The following MEI4 variants were observed in gnomAD, a reference collection of about 807,000 sequenced individuals.
MEI4 encodes the protein meiosis-specific protein MEI4.
In MEI4, 27 loss-of-function variants were observed where a neutral mutation model predicts 31.4. The observed-to-expected ratio is 0.86, with a 90% CI of 0.63 to 1.19. MEI4 has a LOEUF of 1.19. Among genes scored for constraint, MEI4 ranks in the 50% most tolerant of loss-of-function variants. The pLI is 0.00. For synonymous variants in MEI4, 122 were observed against 145.4 expected (o/e 0.84, Z 1.16); for missense variants, 329 against 398.9 (o/e 0.82, Z 1.49).
chr6:77,668,964 G>A (rs910735492), intron 1 of MEI4, among the ~76,000 whole-genome samples: 20 of 152,038 alleles, frequency 1.3e-4, no homozygotes, highest in Non-Finnish European at 2.9e-4. Flanking sequence ...ACTTTTTCCA[G>A]AGTGACAAAA....
chr6:77,708,008 G>T (rs1357058176), intron 2 of MEI4, among the ~76,000 whole-genome samples: 1 of 152,222 alleles, frequency 6.6e-6, no homozygotes, highest in African/African-American at 2.4e-5. Context: ...TACTAGGGCA[G>T]CATTGAAGGG....
At chr6:77,704,998 A>G (rs1766300738) in intron 2 of MEI4, among the ~76,000 whole-genome samples, 2 of 152,200 alleles carry the variant, frequency 1.3e-5, no homozygotes, top group South Asian at 2.1e-4. Context: ...GCAACAAAAT[A>G]GTAGTGCTAC....
intron 2 of MEI4, among the ~76,000 whole-genome samples, chr6:77,715,789 C>A (rs1268136917): frequency 2.0e-5 from 3 of 152,166 alleles, no homozygotes; most frequent in Non-Finnish European, 4.4e-5. Context: ...AGTTCATATA[C>A]TTAACGTCAC....
chr6:77,794,303 C>T (rs1769019030), intron 3 of MEI4, among the ~76,000 whole-genome samples: 1 of 152,184 alleles, frequency 6.6e-6, no homozygotes, highest in Admixed American at 6.5e-5. Context: ...GTGGCTGAAG[C>T]CTGTAATCCC....
chr6:77,754,788 G>C (rs1272452161), intron 2 of MEI4, among the ~76,000 whole-genome samples: 1 of 152,128 alleles, frequency 6.6e-6, no homozygotes, highest in African/African-American at 2.4e-5. Context: ...TACATGCGGA[G>C]AGAGAGAGTG....
chr6:77,799,045 C>G (rs1166432093), intron 3 of MEI4, among the ~76,000 whole-genome samples: 3 of 152,128 alleles, frequency 2.0e-5, no homozygotes, highest in Admixed American at 2.0e-4. Context: ...ATTTCCAGTT[C>G]TAGATCCCTG....
intron 1 of MEI4, among the ~76,000 whole-genome samples, chr6:77,657,909 C>T (rs1301204472): frequency 6.6e-6 from 1 of 152,234 alleles, no homozygotes; most frequent in South Asian, 2.1e-4. Flanking sequence ...TTCACACTAA[C>T]CCACACTAGT....
chr6:77,779,686 T>C lies in MEI4; in HGVS notation c.768+18021T>C, dbSNP rs141486034. Among the ~76,000 whole-genome samples the C allele has an allele frequency of 1.4e-3, 213 of 152,264 alleles. 1 individual carries two copies. Among genetic ancestry groups the C allele is most frequent in the African/African-American group, 4.5e-3 (187 of 41,552 alleles). ...TTTTTGTTGTTAATAATTTGCCCCTTTCCCTGGTTTTCATCTCCCAGTTAT... is the reference window on the plus strand; with the variant it reads ...TTTTTGTTGTTAATAATTTGCCCCTCTCCCTGGTTTTCATCTCCCAGTTAT... On this transcript the variant is annotated intron_variant, in intron 3 of 4. Coordinates refer to ENST00000684080, the MANE Select transcript of MEI4 (RefSeq NM_001322247.2).
intron 2 of MEI4, among the ~76,000 whole-genome samples, chr6:77,741,188 T>A (rs1561968234): frequency 6.6e-6 from 1 of 152,114 alleles, no homozygotes; most frequent in African/African-American, 2.4e-5. Context: ...GTCAGGAATT[T>A]AAAGTTGCTT....
intron 4 of MEI4, among the ~76,000 whole-genome samples, chr6:77,908,066 A>G (rs548416369): frequency 2.6e-5 from 4 of 151,010 alleles, no homozygotes; most frequent in Admixed American, 2.6e-4. Context: ...TCAGATGAGT[A>G]GATTGCAAAA....
At chr6:77,816,414 T>G (rs556017651) in intron 3 of MEI4, among the ~76,000 whole-genome samples, 20 of 152,264 alleles carry the variant, frequency 1.3e-4, no homozygotes, top group Middle Eastern at 3.4e-3. Context: ...TATAAATTAG[T>G]AGGAGGACTG....
At position 77,765,374 on chromosome 6, in the gene MEI4, C is replaced by T. The variant is rs1416529192; in HGVS notation, c.768+3709C>T. On this transcript the variant is annotated intron_variant, in intron 3 of 4. Transcript: ENST00000684080. ...AAGTGACAACTTATATTTCATATACCCTCATAAACTTAAATACCATCAGCT... is the reference window on the plus strand; with the variant it reads ...AAGTGACAACTTATATTTCATATACTCTCATAAACTTAAATACCATCAGCT... Among the ~76,000 whole-genome samples the T allele has an allele frequency of 1.3e-5, 2 of 151,018 alleles. 1 individual carries two copies. Among genetic ancestry groups the T allele is most frequent in the Admixed American group, 1.3e-4 (2 of 15,168 alleles).
At position 77,747,867 on chromosome 6, in the gene MEI4, A is replaced by T. The variant is rs147662857; in HGVS notation, c.233-13263A>T. 1.4e-3 allele frequency among the ~76,000 whole-genome samples: 212 copies of T among 152,342 alleles called. 1 individual carries two copies. Among genetic ancestry groups the T allele is most frequent in the African/African-American group, 4.5e-3 (186 of 41,590 alleles). The stretch of plus-strand genomic sequence containing the variant: ...AAAGCTGCTTAGTTACTTCCAAGAT[A>T]CAATGGGGGTACTGGTGTTGGGTAA... On this transcript the variant is annotated intron_variant, in intron 2 of 4. Coordinates refer to ENST00000684080, the MANE Select transcript of MEI4 (RefSeq NM_001322247.2).
At chr6:77,793,566 ATATAAT>A (rs1306390507) in intron 3 of MEI4, among the ~76,000 whole-genome samples, 1 of 150,424 alleles carries the variant, frequency 6.6e-6, no homozygotes, top group Non-Finnish European at 1.5e-5. Flanking sequence ...AAATTGTCAA[ATATAAT>A]TATAGCTGTA....
chr6:77,811,715 C>T (rs1300727159), intron 3 of MEI4, among the ~76,000 whole-genome samples: 5 of 149,808 alleles, frequency 3.3e-5, no homozygotes, highest in Non-Finnish European at 7.4e-5. Flanking sequence ...GTGGAGGTTG[C>T]AGTGAGCCAA....
At chr6:77,891,781 G>T (rs1447030802) in intron 4 of MEI4, among the ~76,000 whole-genome samples, 1 of 152,166 alleles carries the variant, frequency 6.6e-6, no homozygotes, top group African/African-American at 2.4e-5. Context: ...CATAGGGAAA[G>T]ACTTTTTTAT....
intron 1 of MEI4, among the ~76,000 whole-genome samples, chr6:77,657,590 C>T (rs2127641066): frequency 6.8e-6 from 1 of 147,004 alleles, no homozygotes; most frequent in Middle Eastern, 3.5e-3. Context: ...CCTCTTAAAA[C>T]ACCACTTGGA....
At chr6:77,887,761 A>G (rs1771660208) in intron 4 of MEI4, among the ~76,000 whole-genome samples, 1 of 152,210 alleles carries the variant, frequency 6.6e-6, no homozygotes, top group African/African-American at 2.4e-5. Context: ...CAGCTGTTGG[A>G]TAAAATATTC....
At chr6:77,745,454 A>G (rs1767567966) in intron 2 of MEI4, among the ~76,000 whole-genome samples, 1 of 152,240 alleles carries the variant, frequency 6.6e-6, no homozygotes, top group Non-Finnish European at 1.5e-5. Flanking sequence ...ATACAGGAGC[A>G]CCCAGATTCA....
Sources: allele counts gnomAD v4.1 joint callset (sites outside exome capture counted in the v4.1 genomes callset), GRCh38; gene constraint gnomAD v4.1.1; transcripts MANE v1.5; gene names NCBI Gene and HGNC (gene_info 2026-07-23, HGNC 2026-07-21).